The following ARID1A variants were observed in gnomAD, a reference collection of about 807,000 sequenced individuals.
ARID1A encodes AT-rich interaction domain 1A, also known as AT-rich interactive domain-containing protein 1A.
Under a neutral mutation model 212.6 loss-of-function variants are expected in ARID1A, and 20 were observed. The observed-to-expected ratio is 0.09, with a 90% CI of 0.07 to 0.14. The LOEUF (loss-of-function observed/expected upper bound fraction) is 0.14, where lower values mean the gene tolerates loss of function less well. Among genes scored for constraint, ARID1A ranks in the 10% least tolerant of loss-of-function variants. The probability of loss-of-function intolerance (pLI) is 1.00; values close to 1 mark genes in which losing one functional copy is unlikely to be tolerated. For synonymous variants in ARID1A, 1,376 were observed against 1,222.1 expected, an observed-to-expected ratio of 1.13 and a Z score of -2.63; for missense variants, 2,587 against 3,059.0, an observed-to-expected ratio of 0.85 and a Z score of 3.64.
At chr1:26,709,314 A>G (rs1203857924) in intron 1 of ARID1A, among the ~76,000 whole-genome samples, 1 of 152,184 alleles carries the variant, frequency 6.6e-6, no homozygotes, top group Non-Finnish European at 1.5e-5. Context: ...GCAAGCCTCC[A>G]GGAGAGTTGA....
chr1:26,745,778 A>G (rs2080830476), intron 4 of ARID1A, among the ~76,000 whole-genome samples: 1 of 152,218 alleles, frequency 6.6e-6, no homozygotes, highest in Admixed American at 6.5e-5. Flanking sequence ...GGCCGCAGGC[A>G]CGGTAGCTCA....
intron 1 of ARID1A, among the ~76,000 whole-genome samples, chr1:26,708,170 G>GGCA (rs2080412228): frequency 6.6e-6 from 1 of 150,902 alleles, no homozygotes; most frequent in African/African-American, 2.4e-5. Flanking sequence ...GGTGAGAACT[G>GGCA]GCAGCATCTG....
chr1:26,730,836 C>G (rs1466275780), intron 2 of ARID1A, among the ~76,000 whole-genome samples: 1 of 152,178 alleles, frequency 6.6e-6, no homozygotes, highest in African/African-American at 2.4e-5. Context: ...TAAAAACAGT[C>G]TAGGCCGTGA....
At chr1:26,701,496 G>A (rs1215068903) in intron 1 of ARID1A, among the ~76,000 whole-genome samples, 1 of 152,202 alleles carries the variant, frequency 6.6e-6, no homozygotes, top group African/African-American at 2.4e-5. Flanking sequence ...CACAACAGGA[G>A]GAGGAAGGAG....
intron 1 of ARID1A, 48 bp downstream of exon 1, chr1:26,697,588 G>A (rs1180841364): frequency 7.8e-7 from 1 of 1,280,904 alleles, no homozygotes; most frequent in Non-Finnish European, 9.9e-7. Context: ...GGTCCTGGGG[G>A]TGGGTGGCGG....
intron 1 of ARID1A, among the ~76,000 whole-genome samples, chr1:26,715,621 T>C (rs1003796819): frequency 3.3e-5 from 5 of 152,242 alleles, no homozygotes; most frequent in African/African-American, 1.2e-4. Flanking sequence ...TAGACTTTGA[T>C]GATATTTTCC....
At chr1:26,718,511 C>T (rs1344031875) in intron 1 of ARID1A, among the ~76,000 whole-genome samples, 5 of 152,082 alleles carry the variant, frequency 3.3e-5, no homozygotes, top group South Asian at 2.1e-4. Context: ...CCTCGGTATC[C>T]GTAGGGGGTT....
intron 1 of ARID1A, among the ~76,000 whole-genome samples, chr1:26,710,527 A>ACACACACC (rs915474721): frequency 1.1e-4 from 17 of 150,498 alleles, no homozygotes; most frequent in East Asian, 3.9e-4. Context: ...ACACACACAC[A>ACACACACC]CCACTTGTTG....
Position 26,774,449 on chromosome 1 carries a change from GCCCAGC to G in ARID1A, c.4230_4235del (p.Gln1411_Pro1412del), listed in dbSNP as rs1195622369. ...GCCTCAGCAGCAGCAGTTGCCCCCA[GCCCAGC>G]CCCAGCCTGCCAGCCAGCAACAAGC... On this transcript the variant is annotated inframe_deletion, in exon 18 of 20. Coordinates refer to ENST00000324856, the MANE Select transcript of ARID1A (RefSeq NM_006015.6). The surrounding 1 kb of genome is among the most constrained non-coding windows in gnomAD (Gnocchi z 5.6). 1.2e-6 allele frequency: 2 copies of G among 1,613,614 alleles called. No homozygotes were observed. The highest frequency in any genetic ancestry group is 8.5e-7 in the Non-Finnish European group (1 of 1,179,760).
intron 1 of ARID1A, among the ~76,000 whole-genome samples, chr1:26,723,761 A>C (rs1227344056): frequency 1.3e-5 from 2 of 152,080 alleles, no homozygotes; most frequent in African/African-American, 4.8e-5. Context: ...GCAGGCATGC[A>C]CCAGAGGGAT....
intron 17 of ARID1A, 97 bp downstream of exon 17, chr1:26,773,995 T>C (rs2081110426): frequency 6.8e-7 from 1 of 1,468,592 alleles, no homozygotes; most frequent in Admixed American, 1.8e-5. Context: ...AAGCTCACTT[T>C]AGATATTTTG....
chr1:26,696,197 T>G lies in ARID1A; in HGVS notation c.-207T>G, dbSNP rs1216505930. ...CGGCGCCTCGGCCGCCGCCGCCGCC[T>G]CCTCCTCCTCCGCCGCCGCCAGCCC... On this transcript the variant is annotated 5_prime_UTR_variant, in exon 1 of 20. Transcript: ENST00000324856. 174 of 577,370 alleles carry G rather than the reference T, an allele frequency of 3.0e-4. No individual in the cohort carries two copies. Among genetic ancestry groups the G allele is most frequent in the South Asian group, 7.2e-4 (9 of 12,548 alleles). The allele number at this position is 577,370 out of a possible 1,614,324, so 35.8% of individuals were successfully genotyped here.
In ARID1A at chr1:26,768,114, C is replaced by A. The variant is rs111309360; in HGVS notation, c.3198+115C>A. ...CACAGGGACATCATCCCCTCTCCCG[C>A]TTTCTGAGTCTAATATTGATAGACC... is the stretch of plus-strand genomic sequence containing the variant. On this transcript the variant is annotated intron_variant, in intron 11 of 19. Coordinates refer to ENST00000324856, the MANE Select transcript of ARID1A (RefSeq NM_006015.6). 381 of 1,164,662 alleles carry A rather than the reference C, an allele frequency of 3.3e-4. 1 individual carries two copies. The African/African-American group carries it at 5.1e-3, about 16-fold the overall frequency. 72.1% of individuals were successfully genotyped at this position (1,164,662 alleles called of 1,614,324 possible).
In ARID1A at chr1:26,780,771, CT is replaced by C. The variant is rs1371743129; in HGVS notation, c.*16del. The stretch of plus-strand genomic sequence containing the variant: ...GCCAGTCATGACAGCCGTGGGACAC[CT>C]CCCCCCCCCGTGTGTGTGTGCGTGT... On this transcript the variant is annotated 3_prime_UTR_variant, in exon 20 of 20. Transcript: ENST00000324856. The surrounding 1 kb of genome is among the most constrained non-coding windows in gnomAD (Gnocchi z 7.2). The C allele has an allele frequency of 2.6e-6, 4 of 1,544,344 alleles. No individual in the cohort carries two copies. The highest frequency in any genetic ancestry group is 1.8e-5 in the Admixed American group (1 of 57,010).
intron 4 of ARID1A, among the ~76,000 whole-genome samples, chr1:26,739,028 G>A (rs1351702529): frequency 2.6e-5 from 4 of 151,274 alleles, no homozygotes; most frequent in South Asian, 4.2e-4. Context: ...CTGGGATTAC[G>A]GGCACCCACC....
At chr1:26,725,331 C>T (rs2080606030) in intron 1 of ARID1A, among the ~76,000 whole-genome samples, 1 of 152,126 alleles carries the variant, frequency 6.6e-6, no homozygotes, top group African/African-American at 2.4e-5. Flanking sequence ...TTTAAGGCCC[C>T]TTCTCTGTTA....
At chr1:26,730,883 C>A (rs930727879) in intron 2 of ARID1A, among the ~76,000 whole-genome samples, 1 of 152,194 alleles carries the variant, frequency 6.6e-6, no homozygotes, top group South Asian at 2.1e-4. Flanking sequence ...AACAGCTGCT[C>A]TCAAACTTAT....
At position 26,780,267 on chromosome 1, in the gene ARID1A, C is replaced by T. The variant is rs1430151313; in HGVS notation, c.6369C>T (p.Ser2123=). The T allele has an allele frequency of 6.2e-7, 1 of 1,614,212 alleles. No homozygotes were observed. The highest frequency in any genetic ancestry group is 8.5e-7 in the Non-Finnish European group (1 of 1,180,034). Residue 2123 remains serine, a synonymous_variant, in exon 20 of 20, where the codon AGC becomes AGT. Coordinates refer to ENST00000324856, the MANE Select transcript of ARID1A (RefSeq NM_006015.6). The surrounding 1 kb of genome is among the most constrained non-coding windows in gnomAD (Gnocchi z 7.2). ...AGAGACTGGTCTTGGAAACCCTCAG[C>T]AAACTCAGCATCCAGGACAACAATG... ...SPQRLVLETL[S]KLSIQDNNVD... is the part of the protein sequence containing the mutation.
At chr1:26,755,666 T>A (rs958715593) in intron 4 of ARID1A, among the ~76,000 whole-genome samples, 2 of 152,132 alleles carry the variant, frequency 1.3e-5, no homozygotes, top group Non-Finnish European at 2.9e-5. Flanking sequence ...GAGCCTGGTT[T>A]TTTAACTGAA....
Sources: gnomAD v4.1 joint callset for allele counts (sites outside exome capture counted in the v4.1 genomes callset) on GRCh38, gnomAD v4.1.1 for gene constraint, Gnocchi (gnomAD v3.1) non-coding constraint, MANE v1.5 for transcripts, NCBI Gene and HGNC (gene_info 2026-07-23, HGNC 2026-07-21) for gene names.